C1QTNF7: variants seen among roughly 807,000 people sequenced by gnomAD.
C1QTNF7 encodes the protein complement C1q tumor necrosis factor-related protein 7.
Under a neutral mutation model 19.6 loss-of-function variants are expected in C1QTNF7, and 15 were observed. That is an observed-to-expected ratio of 0.76 (90% confidence interval 0.51 to 1.18). The LOEUF (loss-of-function observed/expected upper bound fraction) is 1.18, where lower values mean the gene tolerates loss of function less well. Among genes scored for constraint, C1QTNF7 ranks in the 50% most tolerant of loss-of-function variants. C1QTNF7 has a pLI of 0.00. For synonymous variants in C1QTNF7, 142 were observed against 137.5 expected, an observed-to-expected ratio of 1.03 and a Z score of -0.23; for missense variants, 324 against 359.7, an observed-to-expected ratio of 0.90 and a Z score of 0.80.
intron 1 of C1QTNF7, among the ~76,000 whole-genome samples, chr4:15,410,655 T>C (rs1719371801): frequency 6.6e-6 from 1 of 152,242 alleles, no homozygotes; most frequent in South Asian, 2.1e-4. Flanking sequence ...TAATTATTTC[T>C]TAGGCTAGAT....
intron 1 of C1QTNF7, among the ~76,000 whole-genome samples, chr4:15,417,448 T>G (rs897001941): frequency 6.6e-6 from 1 of 152,258 alleles, no homozygotes; most frequent in African/African-American, 2.4e-5. Context: ...CTTGCATTGC[T>G]ATAAAGAGAT....
rs78396372 is a variant in C1QTNF7, at chr4:15,421,065, C to T, written c.14-14671C>T. On this transcript the variant is annotated intron_variant, in intron 1 of 2. Transcript: ENST00000295297. ...TGAACTTGGCTCATGTCCTCAGGCACCCTCCCCACAAAATGCCTCACATGT... is the reference window on the plus strand; with the variant it reads ...TGAACTTGGCTCATGTCCTCAGGCATCCTCCCCACAAAATGCCTCACATGT... Among the ~76,000 whole-genome samples the T allele has an allele frequency of 9.6e-3, 1,449 of 151,634 alleles. 14 individuals carry two copies. Among genetic ancestry groups the T allele is most frequent in the African/African-American group, 0.034 (1,388 of 41,328 alleles).
chr4:15,415,831 A>G (rs1719586867), intron 1 of C1QTNF7, among the ~76,000 whole-genome samples: 1 of 152,192 alleles, frequency 6.6e-6, no homozygotes, highest in African/African-American at 2.4e-5. Context: ...CTTAAGCAAT[A>G]TGATAAAAAA....
At chr4:15,392,495 A>G (rs1363414680) in intron 1 of C1QTNF7, among the ~76,000 whole-genome samples, 1 of 152,118 alleles carries the variant, frequency 6.6e-6, no homozygotes, top group African/African-American at 2.4e-5. Context: ...ACCCAAAGAC[A>G]CTAGCCCTGC....
At chr4:15,414,406 C>T (rs1719514115) in intron 1 of C1QTNF7, among the ~76,000 whole-genome samples, 2 of 152,288 alleles carry the variant, frequency 1.3e-5, no homozygotes, top group South Asian at 4.1e-4. Flanking sequence ...AGGACTTTTA[C>T]ACACACTATA....
intron 1 of C1QTNF7, among the ~76,000 whole-genome samples, chr4:15,353,844 T>C (rs1198071879): frequency 1.3e-5 from 2 of 152,088 alleles, no homozygotes; most frequent in Non-Finnish European, 2.9e-5. Flanking sequence ...CTGAAACTCT[T>C]GTTTAAAATG....
chr4:15,386,394 A>G (rs1032935197), intron 1 of C1QTNF7, among the ~76,000 whole-genome samples: 2 of 152,202 alleles, frequency 1.3e-5, no homozygotes, highest in African/African-American at 4.8e-5. Context: ...CAGGTCCCTA[A>G]TAGGCACCAG....
chr4:15,431,252 T>C (rs1181692872), intron 1 of C1QTNF7, among the ~76,000 whole-genome samples: 1 of 152,138 alleles, frequency 6.6e-6, no homozygotes, highest in Non-Finnish European at 1.5e-5. Flanking sequence ...TCTACACATA[T>C]AGGTGTCAAT....
chr4:15,418,086 A>C, intron 1 of C1QTNF7, among the ~76,000 whole-genome samples: 1 of 152,144 alleles, frequency 6.6e-6, no homozygotes, highest in South Asian at 2.1e-4. Context: ...GCTTCCTGTA[A>C]GAGGCTACAT....
chr4:15,379,373 C>T (rs1354392039), intron 1 of C1QTNF7, among the ~76,000 whole-genome samples: 4 of 152,174 alleles, frequency 2.6e-5, no homozygotes, highest in African/African-American at 9.7e-5. Flanking sequence ...AAAAGAACTG[C>T]TTTCGAACAC....
intron 1 of C1QTNF7, among the ~76,000 whole-genome samples, chr4:15,411,202 A>G (rs1200545149): frequency 6.6e-6 from 1 of 152,098 alleles, no homozygotes; most frequent in Non-Finnish European, 1.5e-5. Flanking sequence ...AACATATACT[A>G]ACTTTTTCCC....
At chr4:15,417,904 G>A (rs1468503956) in intron 1 of C1QTNF7, among the ~76,000 whole-genome samples, 3 of 152,074 alleles carry the variant, frequency 2.0e-5, no homozygotes, top group Non-Finnish European at 4.4e-5. Flanking sequence ...TAAACAACCA[G>A]ATCTCTCAAG....
In C1QTNF7 at chr4:15,443,012, T is replaced by C. The variant is rs1577287982; in HGVS notation, c.*213T>C. 2.4e-6 allele frequency: 1 copy of C among 416,234 alleles called. No individual in the cohort carries two copies. The highest frequency in any genetic ancestry group is 4.1e-6 in the Non-Finnish European group (1 of 241,638). The allele number at this position is 416,234 out of a possible 1,614,324, so 25.8% of individuals were successfully genotyped here. A position where few individuals can be genotyped will look rare whatever the true frequency, so the allele number is the denominator to read the frequency against. Reference sequence around the variant, plus strand: ...AAAGAATAGCCCCAGATATAAATTCTCTTGAAAGCAATGTTCATAAATATT... The same window carrying C: ...AAAGAATAGCCCCAGATATAAATTCCCTTGAAAGCAATGTTCATAAATATT... On this transcript the variant is annotated 3_prime_UTR_variant, in exon 3 of 3. Transcript: ENST00000444304.
At chr4:15,359,879 G>A (rs920940564) in intron 1 of C1QTNF7, among the ~76,000 whole-genome samples, 1 of 152,114 alleles carries the variant, frequency 6.6e-6, no homozygotes, top group African/African-American at 2.4e-5. Context: ...TTCACAGTGT[G>A]TGATAAACAC....
At chr4:15,402,100 A>G (rs750702349) in intron 1 of C1QTNF7, among the ~76,000 whole-genome samples, 1 of 152,238 alleles carries the variant, frequency 6.6e-6, no homozygotes, top group African/African-American at 2.4e-5. Flanking sequence ...ATGGACTGTG[A>G]AAATTCAAGG....
intron 1 of C1QTNF7, chr4:15,340,227 G>A: frequency 6.4e-7 from 1 of 1,551,362 alleles, no homozygotes; most frequent in Non-Finnish European, 8.7e-7. Flanking sequence ...CATTTTCACT[G>A]CAGTTTTTCT....
intron 1 of C1QTNF7, among the ~76,000 whole-genome samples, chr4:15,362,153 T>C (rs1560342067): frequency 6.6e-6 from 1 of 152,028 alleles, no homozygotes; most frequent in Non-Finnish European, 1.5e-5. Flanking sequence ...AATTAATGAG[T>C]TAATAATTTA....
intron 1 of C1QTNF7, among the ~76,000 whole-genome samples, chr4:15,431,105 GA>G (rs1712290054): frequency 6.7e-6 from 1 of 148,298 alleles, no homozygotes; most frequent in Non-Finnish European, 1.5e-5. Flanking sequence ...TAGATAGATA[GA>G]TTCATTGCAC....
chr4:15,389,479 G>T (rs1442356038), intron 1 of C1QTNF7, among the ~76,000 whole-genome samples: 1 of 152,104 alleles, frequency 6.6e-6, no homozygotes, highest in Non-Finnish European at 1.5e-5. Context: ...GAGTACAACG[G>T]TGCCATCACG....
Sources: allele counts gnomAD v4.1 joint callset (sites outside exome capture counted in the v4.1 genomes callset), GRCh38; gene constraint gnomAD v4.1.1; transcripts MANE v1.5; gene names NCBI Gene and HGNC (gene_info 2026-07-23, HGNC 2026-07-21).